The following ASIC2 variants were observed in gnomAD, a reference collection of about 807,000 sequenced individuals.
ASIC2 encodes acid-sensing ion channel 2.
Under a neutral mutation model 57.3 loss-of-function variants are expected in ASIC2, and 25 were observed. That is an observed-to-expected ratio of 0.44 (90% CI 0.32 to 0.61). The LOEUF (loss-of-function observed/expected upper bound fraction) is 0.61. ASIC2 is among the 20% of genes least tolerant of loss of function. The probability of loss-of-function intolerance (pLI) is 0.06; values close to 1 mark genes in which losing one functional copy is unlikely to be tolerated. For missense variants in ASIC2, 641 were observed against 738.1 expected, an observed-to-expected ratio of 0.87 and a Z score of 1.52; for synonymous variants, 319 against 307.5, an observed-to-expected ratio of 1.04 and a Z score of -0.39.
At chr17:33,365,711 G>A (rs535242794) in intron 1 of ASIC2, among the ~76,000 whole-genome samples, 6 of 151,942 alleles carry the variant, frequency 3.9e-5, no homozygotes, top group African/African-American at 1.4e-4. Context: ...GGTTGGGCCT[G>A]ATGACTTAAA....
intron 1 of ASIC2, among the ~76,000 whole-genome samples, chr17:33,639,761 G>GAA (rs3032192): frequency 0.4 from 49,656 of 124,828 alleles, 9,898 homozygotes; most frequent in Middle Eastern, 0.49. Flanking sequence ...CTCAGGTTAA[G>GAA]AAAAAAAAAA....
At chr17:34,132,574 A>G (rs12952207) in intron 1 of ASIC2, among the ~76,000 whole-genome samples, 49,116 of 148,828 alleles carry the variant, frequency 0.33, 8,828 homozygotes, top group Middle Eastern at 0.46. Flanking sequence ...TGATTGGTGC[A>G]TTTTACAGAG....
chr17:34,039,191 A>G (rs369742220), intron 1 of ASIC2: 1 of 1,613,952 alleles, frequency 6.2e-7, no homozygotes, highest in Non-Finnish European at 8.5e-7. Context: ...TTCTTCTCTA[A>G]GTCAGAATTC....
rs143348562 is a variant in ASIC2 at position 33,507,479 on chromosome 17, G to A, written c.556-395412C>T. Among the ~76,000 whole-genome samples the A allele has an allele frequency of 2.7e-4, 41 of 152,320 alleles. No individual in the cohort carries two copies. In the East Asian group the frequency reaches 7.1e-3, roughly 26 times the overall value. ...CTATTTGGAGTTTGCATCCTCTTAT[G>A]CCAAGGATCAGCAAACGATTTCTGT... On this transcript the variant is annotated intron_variant, in intron 1 of 9. Transcript: ENST00000359872.
At chr17:33,029,300 G>A (rs1008987699) in intron 3 of ASIC2, among the ~76,000 whole-genome samples, 6 of 152,120 alleles carry the variant, frequency 3.9e-5, no homozygotes, top group Non-Finnish European at 8.8e-5. Flanking sequence ...AACCTACCTG[G>A]GTAATCACGG....
intron 1 of ASIC2, among the ~76,000 whole-genome samples, chr17:34,124,293 C>T (rs1351863560): frequency 2.6e-5 from 4 of 152,130 alleles, no homozygotes; most frequent in Non-Finnish European, 1.5e-5. Context: ...ATTTAATATA[C>T]TTTCTAAGCA....
At chr17:33,569,548 G>A (rs951715201) in intron 1 of ASIC2, 39 of 152,144 alleles carry the variant, frequency 2.6e-4, no homozygotes, top group Non-Finnish European at 1.0e-4. Context: ...GCATCAGAAC[G>A]GCCCACTAGA....
At chr17:34,087,503 T>C (rs1320913688) in intron 1 of ASIC2, among the ~76,000 whole-genome samples, 1 of 152,226 alleles carries the variant, frequency 6.6e-6, no homozygotes, top group Non-Finnish European at 1.5e-5. Flanking sequence ...TTGGTTCATC[T>C]GACAATTATG....
intron 1 of ASIC2, among the ~76,000 whole-genome samples, chr17:33,217,314 G>A (rs368365): frequency 0.7 from 106,664 of 152,032 alleles, 37,680 homozygotes; most frequent in Non-Finnish European, 0.75. Context: ...AAGGCTGAAC[G>A]TCTTTCTGCA....
intron 1 of ASIC2, among the ~76,000 whole-genome samples, chr17:33,567,528 G>T (rs1002230702): frequency 6.6e-6 from 1 of 152,210 alleles, no homozygotes; most frequent in Non-Finnish European, 1.5e-5. Flanking sequence ...TGGACAGTGG[G>T]AAGGGAAGAG....
At chr17:33,675,580 T>TA (rs112964831) in intron 1 of ASIC2, among the ~76,000 whole-genome samples, 33,430 of 151,312 alleles carry the variant, frequency 0.22, 4,259 homozygotes, top group African/African-American at 0.35. Flanking sequence ...TTTTTTAAAT[T>TA]AAAAAAAAAT....
chr17:33,930,925 A>G (rs138647247), intron 1 of ASIC2, among the ~76,000 whole-genome samples: 2,134 of 151,934 alleles, frequency 0.014, 17 homozygotes, highest in Non-Finnish European at 0.018. Context: ...TTGTTTGTTT[A>G]TTTATTTATT....
chr17:33,971,081 G>A (rs769830660), intron 1 of ASIC2, among the ~76,000 whole-genome samples: 37 of 152,104 alleles, frequency 2.4e-4, no homozygotes, highest in Non-Finnish European at 1.3e-4. Flanking sequence ...TCCAGGATGC[G>A]TGTGCAATGC....
chr17:33,589,121 C>T (rs1904743235), intron 1 of ASIC2, among the ~76,000 whole-genome samples: 1 of 152,142 alleles, frequency 6.6e-6, no homozygotes. Context: ...CAAATTGTCA[C>T]AGTGTGCTAG....
intron 2 of ASIC2, among the ~76,000 whole-genome samples, chr17:33,105,038 C>A (rs17781454): frequency 0.17 from 25,111 of 152,164 alleles, 2,230 homozygotes; most frequent in Non-Finnish European, 0.2. Context: ...TTCCTCTCAA[C>A]AAATATGTAG....
chr17:33,623,721 C>T (rs1427250171), intron 1 of ASIC2, among the ~76,000 whole-genome samples: 1 of 152,278 alleles, frequency 6.6e-6, no homozygotes, highest in East Asian at 1.9e-4. Context: ...TCTCTCAGTG[C>T]TTCTTTTTCA....
intron 1 of ASIC2, among the ~76,000 whole-genome samples, chr17:33,949,429 T>C (rs1379303217): frequency 6.6e-6 from 1 of 152,202 alleles, no homozygotes; most frequent in Non-Finnish European, 1.5e-5. Flanking sequence ...ACACAGAAGA[T>C]ACTCAATAGA....
intron 1 of ASIC2, among the ~76,000 whole-genome samples, chr17:33,598,379 CAG>C (rs1188077093): frequency 6.6e-5 from 10 of 152,200 alleles, no homozygotes; most frequent in Admixed American, 6.5e-4. Flanking sequence ...GTTTCTGACA[CAG>C]AGTGTTTGCA....
intron 1 of ASIC2, among the ~76,000 whole-genome samples, chr17:33,996,915 G>A (rs1441331995): frequency 6.6e-6 from 1 of 152,050 alleles, no homozygotes; most frequent in Non-Finnish European, 1.5e-5. Flanking sequence ...ATTTGGATAG[G>A]GATTTCACTG....
Sources: gnomAD v4.1 joint callset for allele counts (sites outside exome capture counted in the v4.1 genomes callset) on GRCh38, gnomAD v4.1.1 for gene constraint, MANE v1.5 for transcripts, NCBI Gene and HGNC (gene_info 2026-07-23, HGNC 2026-07-21) for gene names.